The following TENM3 variants were observed in gnomAD, a reference collection of about 807,000 sequenced individuals.
The protein encoded by TENM3 is teneurin transmembrane protein 3.
A neutral mutation model predicts 255.1 loss-of-function variants in TENM3; 63 were observed. The observed-to-expected ratio is 0.25, with a 90% confidence interval of 0.20 to 0.30. The LOEUF is 0.30. TENM3 is among the 10% of genes least tolerant of loss of function. The pLI, the probability that TENM3 is intolerant of heterozygous loss-of-function variation, is 1.00. For synonymous variants in TENM3, 1,306 were observed against 1,322.3 expected, an observed-to-expected ratio of 0.99 and a Z score of 0.27; for missense variants, 2,929 against 3,461.1, an observed-to-expected ratio of 0.85 and a Z score of 3.86.
intron 1 of TENM3, among the ~76,000 whole-genome samples, chr4:182,284,704 G>GA (rs1163694288): frequency 6.6e-6 from 1 of 151,602 alleles, no homozygotes; most frequent in African/African-American, 2.4e-5. Context: ...GTTGGGAAGG[G>GA]AAAAAAAAGT....
At chr4:182,495,200 T>A (rs1371578089) in intron 3 of TENM3, among the ~76,000 whole-genome samples, 1 of 152,228 alleles carries the variant, frequency 6.6e-6, no homozygotes, top group Admixed American at 6.5e-5. Context: ...TGCTCTTCTC[T>A]TTCTGATGCG....
At chr4:181,967,006 G>A in the TENM3 span, among the ~76,000 whole-genome samples, 21,564 of 145,156 alleles carry the variant, frequency 0.15, 1,729 homozygotes, top group African/African-American at 0.22. Context: ...TCTCTCTCTC[G>A]CTCTCTCTCT....
rs575807825 is a variant in TENM3 at position 182,648,610 on chromosome 4, A to G, written c.989-5161A>G. 8.5e-5 allele frequency among the ~76,000 whole-genome samples: 13 copies of G among 152,234 alleles called. No homozygotes were observed. In the South Asian group the frequency reaches 1.7e-3, roughly 19 times the overall value. On this transcript the variant is annotated intron_variant, in intron 5 of 27. Coordinates refer to ENST00000511685, the MANE Select transcript of TENM3 (RefSeq NM_001080477.4). ...TAAGTAATTTTTATTTAAGTATAAT[A>G]TACATTTAGAAAAGTATATGGATCG...
intron 2 of TENM3, among the ~76,000 whole-genome samples, chr4:182,340,790 T>G (rs576447286): frequency 4.9e-4 from 74 of 152,346 alleles, no homozygotes; most frequent in Admixed American, 1.4e-3. Context: ...TTTCCCAGTT[T>G]GTAGTTTTGT....
At chr4:182,572,102 G>A (rs538563892) in intron 3 of TENM3, among the ~76,000 whole-genome samples, 11 of 152,016 alleles carry the variant, frequency 7.2e-5, no homozygotes, top group African/African-American at 2.2e-4. Flanking sequence ...GGGTTTCACC[G>A]TGTTGGCCAG....
the TENM3 span, among the ~76,000 whole-genome samples, chr4:182,018,201 GA>G: frequency 6.6e-6 from 1 of 152,138 alleles, no homozygotes; most frequent in Non-Finnish European, 1.5e-5. Flanking sequence ...GTATGAGATT[GA>G]ATTGCTAACT....
At chr4:182,404,220 G>A (rs1769399564) in intron 3 of TENM3, among the ~76,000 whole-genome samples, 1 of 152,024 alleles carries the variant, frequency 6.6e-6, no homozygotes, top group Non-Finnish European at 1.5e-5. Context: ...GGTGTCAGGA[G>A]GACTATTAAA....
intron 6 of TENM3, among the ~76,000 whole-genome samples, chr4:182,661,008 A>C (rs1561069764): frequency 6.6e-6 from 1 of 152,174 alleles, no homozygotes; most frequent in Non-Finnish European, 1.5e-5. Context: ...AATTTAGGAT[A>C]ATAAAGACTG....
At chr4:182,415,660 TAAAC>T (rs143754932) in intron 3 of TENM3, among the ~76,000 whole-genome samples, 2,508 of 152,268 alleles carry the variant, frequency 0.016, 51 homozygotes, top group East Asian at 0.066. Flanking sequence ...TGACAGTGGG[TAAAC>T]AATCAAGTGC....
chr4:182,027,364 T>C, the TENM3 span, among the ~76,000 whole-genome samples: 2 of 152,168 alleles, frequency 1.3e-5, no homozygotes, highest in Non-Finnish European at 2.9e-5. Context: ...TCAGTTCTAA[T>C]AGTTTTTTAT....
intron 1 of TENM3, among the ~76,000 whole-genome samples, chr4:182,180,878 C>T (rs1287171321): frequency 1.3e-5 from 2 of 151,896 alleles, no homozygotes; most frequent in Non-Finnish European, 2.9e-5. Context: ...TGCTCTTCCT[C>T]TTCACAAATC....
intron 3 of TENM3, among the ~76,000 whole-genome samples, chr4:182,430,096 G>A (rs907152685): frequency 2.0e-5 from 3 of 152,198 alleles, no homozygotes; most frequent in African/African-American, 7.2e-5. Context: ...TGACGCAGCT[G>A]TGTTTGTGGT....
the TENM3 span, among the ~76,000 whole-genome samples, chr4:182,122,786 G>C: frequency 6.6e-6 from 1 of 152,196 alleles, no homozygotes; most frequent in African/African-American, 2.4e-5. Flanking sequence ...GTCCTCTGAA[G>C]CTTCAAAGCC....
At chr4:181,877,068 T>C in the TENM3 span, 1 of 152,154 alleles carries the variant, frequency 6.6e-6, no homozygotes, top group South Asian at 2.1e-4. Flanking sequence ...ATATCAATCG[T>C]TTGCCTGTGA....
the TENM3 span, among the ~76,000 whole-genome samples, chr4:181,946,635 C>G: frequency 6.6e-6 from 1 of 152,108 alleles, no homozygotes; most frequent in South Asian, 2.1e-4. Context: ...TTATATCTCC[C>G]CTAGGTCCTT....
At chr4:182,161,187 C>T (rs1319031175) in intron 1 of TENM3, among the ~76,000 whole-genome samples, 2 of 141,782 alleles carry the variant, frequency 1.4e-5, no homozygotes, top group Admixed American at 7.2e-5. Context: ...GAGGCCGAGG[C>T]GGGCGGATCA....
At chr4:181,640,840 C>A in the TENM3 span, among the ~76,000 whole-genome samples, 1 of 152,288 alleles carries the variant, frequency 6.6e-6, no homozygotes, top group Middle Eastern at 3.4e-3. Context: ...GTTGGGCAAC[C>A]CTTTCCTCCA....
Position 182,603,075 on chromosome 4 carries a change from G to A in TENM3, c.749+1914G>A, listed in dbSNP as rs140414876. Among the ~76,000 whole-genome samples the A allele has an allele frequency of 1.5e-4, 23 of 152,270 alleles. 1 individual carries two copies. The East Asian group carries it at 3.7e-3, about 24-fold the overall frequency. ...AATAATTTTGAGAAGAGTAAGATGC[G>A]TTCTTGTTATTCGTCTTATTGCACT... On this transcript the variant is annotated intron_variant, in intron 4 of 27. Transcript: ENST00000511685.
chr4:182,069,566 T>C, the TENM3 span, among the ~76,000 whole-genome samples: 1 of 152,168 alleles, frequency 6.6e-6, no homozygotes, highest in African/African-American at 2.4e-5. Context: ...TTTAGTCTTG[T>C]GTTCAAACCC....
Sources: allele counts gnomAD v4.1 joint callset (sites outside exome capture counted in the v4.1 genomes callset), GRCh38; gene constraint gnomAD v4.1.1; transcripts MANE v1.5; gene names NCBI Gene and HGNC (gene_info 2026-07-23, HGNC 2026-07-21).